The following C22orf31 variants were observed in gnomAD, a reference collection of about 807,000 sequenced individuals.
C22orf31 encodes the protein uncharacterized protein C22orf31.
A neutral mutation model predicts 15.0 loss-of-function variants in C22orf31; 11 were observed. The observed-to-expected ratio is 0.73, with a 90% confidence interval of 0.46 to 1.21. The LOEUF is 1.21. C22orf31 is among the 50% of genes most tolerant of loss of function. C22orf31 has a pLI of 0.00. For synonymous variants in C22orf31, 132 were observed against 133.3 expected (o/e 0.99, Z 0.07); for missense variants, 340 against 347.2 (o/e 0.98, Z 0.17).
upstream of C22orf31, chr22:29,061,875 TC>T (rs199627682): frequency 6.8e-5 from 80 of 1,176,624 alleles, no homozygotes; most frequent in African/African-American, 1.1e-3. Context: ...TCTCTCTCTC[TC>T]TTTTTTTTTG....
intron 2 of C22orf31, 36 bp downstream of exon 2, chr22:29,060,379 C>T: frequency 6.4e-7 from 1 of 1,564,620 alleles, no homozygotes; most frequent in South Asian, 1.2e-5. Context: ...CCTCCCCTCG[C>T]CAGTCACATT....
chr22:29,073,218 C>A, the C22orf31 span: 1 of 1,175,718 alleles, frequency 8.5e-7, no homozygotes, highest in East Asian at 3.7e-5. This position sits in a 1 kb window ranked among gnomAD's most constrained non-coding sequence, Gnocchi z 4.4. Context: ...CGGCCTCGGC[C>A]CCGGACCCGG....
chr22:29,069,934 CT>C, the C22orf31 span, among the ~76,000 whole-genome samples: 1 of 142,050 alleles, frequency 7.0e-6, no homozygotes, highest in Non-Finnish European at 1.5e-5. Flanking sequence ...CTGTCACTGT[CT>C]TGAAATTCTT....
chr22:29,071,709 G>A, the C22orf31 span, among the ~76,000 whole-genome samples: 1 of 152,192 alleles, frequency 6.6e-6, no homozygotes, highest in Non-Finnish European at 1.5e-5. Context: ...GAGGGCGGGG[G>A]AGGAGGACGG....
chr22:29,066,896 A>C, the C22orf31 span, among the ~76,000 whole-genome samples: 1 of 152,044 alleles, frequency 6.6e-6, no homozygotes, highest in East Asian at 1.9e-4. Context: ...CCCTACTGTG[A>C]GTCTTCAGAG....
chr22:29,065,859 A>C (rs1262593746), upstream of C22orf31, among the ~76,000 whole-genome samples: 1 of 152,178 alleles, frequency 6.6e-6, no homozygotes, highest in African/African-American at 2.4e-5. Context: ...CCTCTTCCTT[A>C]GTTTGATTCT....
chr22:29,067,741 G>A, the C22orf31 span, among the ~76,000 whole-genome samples: 1 of 152,138 alleles, frequency 6.6e-6, no homozygotes, highest in Non-Finnish European at 1.5e-5. Context: ...ACCGTGCCCA[G>A]GCTATTATTA....
intron 1 of C22orf31, among the ~76,000 whole-genome samples, chr22:29,061,154 G>A (rs917407474): frequency 1.3e-5 from 2 of 152,126 alleles, no homozygotes; most frequent in Admixed American, 6.6e-5. Context: ...GGAAAGATAC[G>A]GACGGCAGGG....
At position 29,058,790 on chromosome 22, in the gene C22orf31, G is replaced by A. The variant is rs2072775; in HGVS notation, c.825C>T (p.His275=). The A allele has an allele frequency of 0.021, 33,753 of 1,613,980 alleles. 1,721 individuals are homozygous for A. The East Asian group carries it at 0.22, about 11-fold the overall frequency. Residue 275 remains histidine (H), a synonymous_variant, in exon 3 of 3, where the codon CAC becomes CAT. Coordinates refer to ENST00000216071, the MANE Select transcript of C22orf31 (RefSeq NM_015370.2). ...RFPGRKQPGV[H]EEPVLKKWPK... ...GCCATTTCTTGAGTACAGGCTCCTC[G>A]TGGACACCTGGCTGCTTCCTGCCAG...
upstream of C22orf31, chr22:29,061,909 C>A (rs2037396113): frequency 1.2e-6 from 1 of 854,196 alleles, no homozygotes; most frequent in South Asian, 1.8e-5. Flanking sequence ...TATTTCTAGT[C>A]ACCTGTCTTT....
chr22:29,059,150 T>G lies in C22orf31; in HGVS notation c.465A>C (p.Thr155=). Residue 155 remains threonine, a synonymous_variant, in exon 3 of 3, where the codon ACA becomes ACC. Coordinates refer to ENST00000216071, the MANE Select transcript of C22orf31 (RefSeq NM_015370.2). ...SKESSKEKKL[T]VRQDLEDRYA... is the part of the protein sequence containing the mutation. ...ATCTGTCCTCAAGATCTTGGCGGAC[T>G]GTTAGTTTTTTCTCCTTTGAACTTT... 2 of 1,611,412 alleles carry G rather than the reference T, an allele frequency of 1.2e-6. No homozygotes were observed. Among genetic ancestry groups the G allele is most frequent in the Non-Finnish European group, 1.7e-6 (2 of 1,178,960 alleles).
At chr22:29,070,896 T>A in the C22orf31 span, among the ~76,000 whole-genome samples, 4 of 152,254 alleles carry the variant, frequency 2.6e-5, no homozygotes, top group African/African-American at 9.6e-5. Context: ...AGGTTTGGTC[T>A]TGGTGGCTGT....
chr22:29,067,765 C>T, the C22orf31 span, among the ~76,000 whole-genome samples: 1 of 152,074 alleles, frequency 6.6e-6, no homozygotes, highest in South Asian at 2.1e-4. Flanking sequence ...ATTTTAGAGA[C>T]AGGGTCTGGC....
At chr22:29,060,021 C>CTTTTTTTTTTTTTTTTTTTTTTTTT (rs60208241) in intron 2 of C22orf31, 1 of 513,144 alleles carries the variant, frequency 1.9e-6, no homozygotes, top group Non-Finnish European at 2.4e-6. Flanking sequence ...TTTTTCTTTT[C>CTTTTTTTTTTTTTTTTTTTTTTTTT]TTTTTTTTTT....
intron 2 of C22orf31, 71 bp downstream of exon 2, chr22:29,060,344 A>C: frequency 7.3e-7 from 1 of 1,362,572 alleles, no homozygotes; most frequent in Non-Finnish European, 1.0e-6. Context: ...CTCAACCGTT[A>C]AGTGTTCTCT....
the C22orf31 span, among the ~76,000 whole-genome samples, chr22:29,072,927 C>T: frequency 6.6e-5 from 10 of 151,132 alleles, no homozygotes; most frequent in Non-Finnish European, 1.5e-4. Context: ...TGGGCTCCGC[C>T]CCCCGGGCCT....
Position 29,060,571 on chromosome 22 carries a change from T to C in C22orf31, c.276A>G (p.Pro92=). 6.2e-7 allele frequency: 1 copy of C among 1,614,128 alleles called. No individual in the cohort carries two copies. The highest frequency in any genetic ancestry group is 2.2e-5 in the East Asian group (1 of 44,882). The change falls in exon 2 of 3, where the codon CCA becomes CCG. Residue 92 remains proline, a synonymous_variant. Transcript: ENST00000216071. ...RRQLKNKCCP[P]PCKFGEGKLS... is the part of the protein sequence containing the mutation. ...GTTTTCCTTCTCCAAACTTGCATGG[T>C]GGTGGGCAGCACTTATTCTTCAGTT...
chr22:29,062,602 C>T (rs1240321667), upstream of C22orf31, among the ~76,000 whole-genome samples: 1 of 152,138 alleles, frequency 6.6e-6, no homozygotes, highest in Non-Finnish European at 1.5e-5. Flanking sequence ...AGGAGCCTCC[C>T]TCCTGAGGGG....
chr22:29,061,473 T>C (rs1455203703), intron 1 of C22orf31, among the ~76,000 whole-genome samples: 10 of 152,016 alleles, frequency 6.6e-5, no homozygotes, highest in African/African-American at 2.2e-4. Context: ...TCCATGTTGG[T>C]CAGGCTGGCC....
Sources: allele counts gnomAD v4.1 joint callset (sites outside exome capture counted in the v4.1 genomes callset), GRCh38; gene constraint gnomAD v4.1.1; non-coding constraint Gnocchi (gnomAD v3.1); transcripts MANE v1.5; gene names NCBI Gene and HGNC (gene_info 2026-07-23, HGNC 2026-07-21).